RINT1: variants seen among roughly 807,000 people sequenced by gnomAD.
RINT1 encodes RAD50-interacting protein 1.
RINT1 carries 75 observed loss-of-function variants against 97.7 expected under a neutral mutation model. The observed-to-expected ratio is 0.77, with a 90% CI of 0.64 to 0.93. RINT1 has a LOEUF of 0.93. Ranked by LOEUF, RINT1 falls within the 40% of genes least tolerant of loss-of-function variation. The probability of loss-of-function intolerance (pLI) is 0.00; values close to 1 mark genes in which losing one functional copy is unlikely to be tolerated. For missense variants in RINT1, 892 were observed against 925.2 expected, an observed-to-expected ratio of 0.96 and a Z score of 0.47; for synonymous variants, 303 against 326.3, an observed-to-expected ratio of 0.93 and a Z score of 0.77.
Position 105,555,274 on chromosome 7 carries a change from T to G in RINT1, c.1671+47T>G, listed in dbSNP as rs373961515. 9 of 1,451,268 alleles carry G rather than the reference T, an allele frequency of 6.2e-6. No individual in the cohort carries two copies. In the African/African-American group the frequency reaches 1.3e-4, roughly 21 times the overall value. The allele number at this position is 1,451,268 out of a possible 1,614,324, so 89.9% of individuals were successfully genotyped here. A position where few individuals can be genotyped will look rare whatever the true frequency, so the allele number is the denominator to read the frequency against. On this transcript the variant is annotated intron_variant, in intron 11 of 14. Coordinates refer to ENST00000257700, the MANE Select transcript of RINT1 (RefSeq NM_021930.6). Reference sequence around the variant, plus strand: ...TTAAGTAATATATACTAGTTCGAACTATTTTATTAATACTTTTCAAAATGT... The same window carrying G: ...TTAAGTAATATATACTAGTTCGAACGATTTTATTAATACTTTTCAAAATGT...
At chr7:105,534,402 T>A (rs1447679296) in intron 2 of RINT1, among the ~76,000 whole-genome samples, 1 of 152,028 alleles carries the variant, frequency 6.6e-6, no homozygotes, top group African/African-American at 2.4e-5. Context: ...AAGGTAGAAT[T>A]TCCTCCCTAA....
Position 105,550,181 on chromosome 7 carries a change from A to C in RINT1, c.1107+16A>C, listed in dbSNP as rs772237328. 2 of 1,605,348 alleles carry C rather than the reference A, an allele frequency of 1.2e-6. No homozygotes were observed. Among genetic ancestry groups the C allele is most frequent in the South Asian group, 1.1e-5 (1 of 90,858 alleles). Reference sequence around the variant, plus strand: ...AAACGCAAGGGTAAGAGACTCAGTCATAAGTGTTTCTGTTTTAGAACTGTA... The same window carrying C: ...AAACGCAAGGGTAAGAGACTCAGTCCTAAGTGTTTCTGTTTTAGAACTGTA... On this transcript the variant is annotated intron_variant, in intron 8 of 14. Coordinates refer to ENST00000257700, the MANE Select transcript of RINT1 (RefSeq NM_021930.6).
chr7:105,542,330 C>A, intron 3 of RINT1, 78 bp from the exon 4 acceptor site: 2 of 1,164,096 alleles, frequency 1.7e-6, no homozygotes, highest in Non-Finnish European at 1.2e-6. Context: ...GTGAGATCCC[C>A]TCTCAAAAAA....
In RINT1 at chr7:105,532,290, G is replaced by A; in HGVS notation, c.-26G>A. ...CCACAGGCCACGCTGGCTGCGAATG[G>A]AGCCGAGGACTCGCGCGGAGGCGAG... On this transcript the variant is annotated 5_prime_UTR_variant, in exon 1 of 15. Transcript: ENST00000257700. The A allele has an allele frequency of 6.4e-7, 1 of 1,567,264 alleles. No individual in the cohort carries two copies. Among genetic ancestry groups the A allele is most frequent in the Non-Finnish European group, 8.6e-7 (1 of 1,160,428 alleles).
At chr7:105,534,123 T>G (rs1323187198) in intron 2 of RINT1, among the ~76,000 whole-genome samples, 1 of 151,814 alleles carries the variant, frequency 6.6e-6, no homozygotes, top group Non-Finnish European at 1.5e-5. Context: ...CAGGCTGGAG[T>G]GCAGTGGCGC....
intron 2 of RINT1, among the ~76,000 whole-genome samples, chr7:105,535,378 C>T (rs1281905450): frequency 1.3e-5 from 2 of 151,794 alleles, no homozygotes; most frequent in African/African-American, 4.8e-5. Flanking sequence ...TATAAGCGTG[C>T]ACCGCCATGC....
At chr7:105,542,262 G>C (rs896902571) in intron 3 of RINT1, 146 bp from the exon 4 acceptor site, 2 of 621,100 alleles carry the variant, frequency 3.2e-6, no homozygotes, top group Admixed American at 3.0e-5. Flanking sequence ...TTGAGCCCAG[G>C]AAGTCCAGGC....
At chr7:105,547,395 A>G in intron 6 of RINT1, 62 bp downstream of exon 6, 1 of 1,554,248 alleles carries the variant, frequency 6.4e-7, no homozygotes, top group Non-Finnish European at 8.8e-7. Flanking sequence ...GTTTGTGGCT[A>G]GAGAGTAAAA....
intron 10 of RINT1, among the ~76,000 whole-genome samples, chr7:105,553,037 T>G (rs1791001653): frequency 6.6e-6 from 1 of 151,928 alleles, no homozygotes. Flanking sequence ...TTAAGGAAAA[T>G]TCATGTCTCT....
At chr7:105,548,832 T>G in intron 7 of RINT1, 122 bp downstream of exon 7, 1 of 879,332 alleles carries the variant, frequency 1.1e-6, no homozygotes, top group Non-Finnish European at 1.7e-6. Context: ...TCTAAAGGGC[T>G]ACATTCCTGT....
intron 10 of RINT1, among the ~76,000 whole-genome samples, chr7:105,552,666 CTTTTTTTT>C (rs386410906): frequency 1.6e-4 from 13 of 79,996 alleles, no homozygotes; most frequent in Non-Finnish European, 2.3e-4. Context: ...TAAATAATTC[CTTTTTTTT>C]TTTTTTTTTT....
At chr7:105,549,626 G>C (rs1790842608) in intron 7 of RINT1, among the ~76,000 whole-genome samples, 1 of 152,108 alleles carries the variant, frequency 6.6e-6, no homozygotes, top group South Asian at 2.1e-4. Context: ...TGGGATTACA[G>C]GCATGAGCTG....
intron 2 of RINT1, among the ~76,000 whole-genome samples, chr7:105,535,087 G>A (rs1790171604): frequency 6.6e-6 from 1 of 152,060 alleles, no homozygotes; most frequent in Non-Finnish European, 1.5e-5. Context: ...GCCATGGAAA[G>A]AATCTCACTT....
chr7:105,565,903 T>G (rs1464095554), intron 14 of RINT1, among the ~76,000 whole-genome samples: 1 of 151,800 alleles, frequency 6.6e-6, no homozygotes. Context: ...GTTTAATGCT[T>G]CTAGTTGCTT....
At chr7:105,536,182 A>G (rs529360890) in intron 2 of RINT1, among the ~76,000 whole-genome samples, 10 of 151,996 alleles carry the variant, frequency 6.6e-5, no homozygotes, top group South Asian at 2.1e-4. Flanking sequence ...TTTTTGATAC[A>G]GAGTCTGTCT....
At chr7:105,544,136 T>G (rs1396855571) in intron 4 of RINT1, among the ~76,000 whole-genome samples, 1 of 151,990 alleles carries the variant, frequency 6.6e-6, no homozygotes, top group Non-Finnish European at 1.5e-5. Flanking sequence ...AACTTTGTTT[T>G]GCATGTATGA....
chr7:105,566,965 C>T (rs1791784254), intron 14 of RINT1, 154 bp from the exon 15 acceptor site: 2 of 440,070 alleles, frequency 4.5e-6, no homozygotes, highest in Non-Finnish European at 7.8e-6. Flanking sequence ...GTAGTCTTAC[C>T]ATGTTAAAAG....
rs141382811 is a variant in RINT1 at position 105,563,689 on chromosome 7, T to TAA, written c.1672-36_1672-35dup. On this transcript the variant is annotated intron_variant, in intron 11 of 14. Coordinates refer to ENST00000257700, the MANE Select transcript of RINT1 (RefSeq NM_021930.6). ...ACATATGAATTCTATTTCAAACTGTTAAAAAAAAAGTATGCTAATGTGTTA... is the reference window on the plus strand; with the variant it reads ...ACATATGAATTCTATTTCAAACTGTTAAAAAAAAAAAGTATGCTAATGTGTTA... 15 of 1,473,812 alleles carry TAA rather than the reference T, an allele frequency of 1.0e-5. No homozygotes were observed. In the African/African-American group the frequency reaches 1.3e-4, roughly 12 times the overall value. 91.3% of individuals were successfully genotyped at this position (1,473,812 alleles called of 1,614,324 possible).
intron 7 of RINT1, among the ~76,000 whole-genome samples, chr7:105,549,052 A>G (rs1280596988): frequency 6.6e-6 from 1 of 151,756 alleles, no homozygotes; most frequent in Admixed American, 6.6e-5. Context: ...CAGTGGCACA[A>G]TCTCTGCTCA....
Sources: gnomAD v4.1 joint callset for allele counts (sites outside exome capture counted in the v4.1 genomes callset) on GRCh38, gnomAD v4.1.1 for gene constraint, MANE v1.5 for transcripts, NCBI Gene and HGNC (gene_info 2026-07-23, HGNC 2026-07-21) for gene names.